Variants in GPATCH1 observed in about 807,000 individuals in gnomAD.
GPATCH1 encodes G patch domain-containing protein 1.
In GPATCH1, 73 loss-of-function variants were observed where a neutral mutation model predicts 114.9. The ratio of observed to expected loss-of-function variants is 0.64; its 90% CI spans 0.53 to 0.77. The LOEUF (loss-of-function observed/expected upper bound fraction) is 0.77, where lower values mean the gene tolerates loss of function less well. GPATCH1 is among the 30% of genes least tolerant of loss of function. The probability of loss-of-function intolerance (pLI) is 0.00; values close to 1 mark genes in which losing one functional copy is unlikely to be tolerated. For missense variants in GPATCH1, 1,058 were observed against 1,144.3 expected (o/e 0.92, Z 1.09); for synonymous variants, 391 against 428.4 (o/e 0.91, Z 1.08).
chr19:33,095,879 T>C, intron 6 of GPATCH1, 59 bp downstream of exon 6: 1 of 1,239,784 alleles, frequency 8.1e-7, no homozygotes, highest in Non-Finnish European at 1.2e-6. Flanking sequence ...TCTGTATGAC[T>C]GTGAAATTTG....
rs865931234 is a variant in GPATCH1 at position 33,109,073 on chromosome 19, C to T, written c.1286-644C>T. Among the ~76,000 whole-genome samples the T allele has an allele frequency of 2.8e-4, 43 of 152,042 alleles. 1 individual carries two copies. Among genetic ancestry groups the T allele is most frequent in the Admixed American group, 9.2e-4 (14 of 15,250 alleles). The stretch of plus-strand genomic sequence containing the variant: ...GTCTACAAAAAATACAAAAAGTAGT[C>T]GGGCATGGTGGTGTGTACCTGTGGT... On this transcript the variant is annotated intron_variant, in intron 10 of 19. Transcript: ENST00000170564.
intron 17 of GPATCH1, among the ~76,000 whole-genome samples, chr19:33,124,394 T>A (rs1422527968): frequency 6.6e-6 from 1 of 152,034 alleles, no homozygotes; most frequent in Non-Finnish European, 1.5e-5. Context: ...CAGGCTGGCC[T>A]TGAACTCCTG....
chr19:33,120,767 A>C (rs1972974663), intron 17 of GPATCH1, among the ~76,000 whole-genome samples: 1 of 152,008 alleles, frequency 6.6e-6, no homozygotes, highest in Non-Finnish European at 1.5e-5. Flanking sequence ...AGGTGGGCAG[A>C]TCACGAGATC....
intron 16 of GPATCH1, among the ~76,000 whole-genome samples, chr19:33,118,309 G>T (rs1972939445): frequency 6.6e-6 from 1 of 150,936 alleles, no homozygotes; most frequent in Non-Finnish European, 1.5e-5. Context: ...CTCCTGAGTA[G>T]CTGGGACTAC....
intron 17 of GPATCH1, among the ~76,000 whole-genome samples, chr19:33,120,653 C>A (rs117057278): frequency 6.6e-6 from 1 of 151,386 alleles, no homozygotes; most frequent in Non-Finnish European, 1.5e-5. Flanking sequence ...CCCAGTAGTC[C>A]GAGACAAGCC....
At chr19:33,091,079 A>G (rs932732429) in intron 3 of GPATCH1, among the ~76,000 whole-genome samples, 12 of 152,158 alleles carry the variant, frequency 7.9e-5, no homozygotes, top group Admixed American at 7.2e-4. Flanking sequence ...TTCTAAAATC[A>G]AGAGTGTAAG....
chr19:33,094,035 C>T lies in GPATCH1; in HGVS notation c.456-137C>T, dbSNP rs1359262711. 3 of 624,980 alleles carry T rather than the reference C, an allele frequency of 4.8e-6. No homozygotes were observed. The African/African-American group carries it at 5.5e-5, about 11-fold the overall frequency. 38.7% of individuals were successfully genotyped at this position (624,980 alleles called of 1,614,324 possible). On this transcript the variant is annotated intron_variant, in intron 4 of 19. Coordinates refer to ENST00000170564, the MANE Select transcript of GPATCH1 (RefSeq NM_018025.3). Reference sequence around the variant, plus strand: ...CTGTGGCTGGAATGGCAGGGTCACGCCAGATGTAATGTGGGTGAGGGCAAG... The same window carrying T: ...CTGTGGCTGGAATGGCAGGGTCACGTCAGATGTAATGTGGGTGAGGGCAAG...
rs561456539 is a variant in GPATCH1 at position 33,097,195 on chromosome 19, C to T, written c.853-560C>T. 2.5e-4 allele frequency among the ~76,000 whole-genome samples: 38 copies of T among 152,248 alleles called. No individual in the cohort carries two copies. In the East Asian group the frequency reaches 3.1e-3, roughly 12 times the overall value. On this transcript the variant is annotated intron_variant, in intron 7 of 19. Coordinates refer to ENST00000170564, the MANE Select transcript of GPATCH1 (RefSeq NM_018025.3). ...CTGACCTCAGGTGATCCACCCGCCT[C>T]GGCCTCCCAAAGTGCTGGGATTACA...
chr19:33,109,243 G>T (rs141562049), intron 10 of GPATCH1, among the ~76,000 whole-genome samples: 2 of 151,678 alleles, frequency 1.3e-5, no homozygotes, highest in Non-Finnish European at 2.9e-5. Flanking sequence ...TTGGCCAGGC[G>T]TGGTGGCTCA....
Position 33,109,920 on chromosome 19 carries a change from A to G in GPATCH1, c.1489A>G (p.Thr497Ala), listed in dbSNP as rs1228200434. 5.6e-6 allele frequency: 9 copies of G among 1,614,190 alleles called. No individual in the cohort carries two copies. The highest frequency in any genetic ancestry group is 7.6e-6 in the Non-Finnish European group (9 of 1,180,032). ...CATGGCATTAGGTGGTGGGACGGCC[A>G]CCTTAAAAGCCAGCAACTTCAAGCC... ...WNMALGGGTA[T>A]LKASNFKPFA... The change falls in exon 11 of 20, where the codon ACC becomes GCC. Residue 497 changes from threonine to alanine, a missense_variant. Physicochemically the swap from Thr to Ala is moderately conservative, Grantham distance 58. Around this residue, in one of 3 missense-constraint regions of GPATCH1, gnomAD observed 893 missense variants for 977.4 expected, o/e 0.91. Coordinates refer to ENST00000170564, the MANE Select transcript of GPATCH1 (RefSeq NM_018025.3).
At position 33,113,856 on chromosome 19, in the gene GPATCH1, C is replaced by T; in HGVS notation, c.1982C>T (p.Thr661Ile). 2 of 1,614,030 alleles carry T rather than the reference C, an allele frequency of 1.2e-6. No homozygotes were observed. The highest frequency in any genetic ancestry group is 8.5e-7 in the Non-Finnish European group (1 of 1,179,914). The change falls in exon 14 of 20, where the codon ACC (threonine) becomes ATC (isoleucine). Residue 661 changes from threonine to isoleucine, a missense_variant. Coordinates refer to ENST00000170564, the MANE Select transcript of GPATCH1 (RefSeq NM_018025.3). ...LTLPETASLPTTQASSEKVSQ... is the reference protein window; with the variant it reads ...LTLPETASLPITQASSEKVSQ... Reference sequence around the variant, plus strand: ...CTCCCAGAGACAGCTTCCTTGCCCACCACTCAAGCATCAAGTGAAAAAGTA... The same window carrying T: ...CTCCCAGAGACAGCTTCCTTGCCCATCACTCAAGCATCAAGTGAAAAAGTA...
intron 1 of GPATCH1, among the ~76,000 whole-genome samples, chr19:33,082,928 A>G (rs766654169): frequency 1.3e-4 from 20 of 152,020 alleles, no homozygotes; most frequent in Admixed American, 2.0e-4. Flanking sequence ...CACAGTGCCC[A>G]ACATTTTTTA....
chr19:33,120,771 C>T (rs1158170654), intron 17 of GPATCH1, among the ~76,000 whole-genome samples: 1 of 151,802 alleles, frequency 6.6e-6, no homozygotes, highest in Non-Finnish European at 1.5e-5. Context: ...GGGCAGATCA[C>T]GAGATCAGGA....
chr19:33,081,583 A>G (rs1972477073), intron 1 of GPATCH1, among the ~76,000 whole-genome samples: 1 of 152,130 alleles, frequency 6.6e-6, no homozygotes, highest in Admixed American at 6.6e-5. Flanking sequence ...GTTTGAGCTC[A>G]GACTTGAAAC....
chr19:33,098,145 G>C (rs1972685048), intron 8 of GPATCH1, among the ~76,000 whole-genome samples: 1 of 152,230 alleles, frequency 6.6e-6, no homozygotes, highest in Admixed American at 6.5e-5. Flanking sequence ...CTGTAATCAG[G>C]GAAAGAGGAA....
intron 8 of GPATCH1, among the ~76,000 whole-genome samples, chr19:33,098,864 C>T (rs1329481866): frequency 3.3e-5 from 5 of 151,914 alleles, no homozygotes; most frequent in African/African-American, 1.2e-4. Flanking sequence ...GGAGACTTAA[C>T]CTCCGGGTGG....
chr19:33,098,170 A>C (rs1972685379), intron 8 of GPATCH1, among the ~76,000 whole-genome samples: 1 of 152,204 alleles, frequency 6.6e-6, no homozygotes, highest in African/African-American at 2.4e-5. Flanking sequence ...TGGACCAGTG[A>C]CCACATGGCT....
At chr19:33,130,055 T>G in intron 19 of GPATCH1, 75 bp from the exon 20 acceptor site, 1 of 1,117,768 alleles carries the variant, frequency 8.9e-7, no homozygotes, top group Non-Finnish European at 1.4e-6. Context: ...CCTGGCATTC[T>G]CAGCCTCCAC....
At chr19:33,098,181 G>A (rs1972685690) in intron 8 of GPATCH1, among the ~76,000 whole-genome samples, 1 of 152,192 alleles carries the variant, frequency 6.6e-6, no homozygotes, top group Non-Finnish European at 1.5e-5. Flanking sequence ...CCACATGGCT[G>A]GTCAGAGCTG....
Sources: allele counts gnomAD v4.1 joint callset (sites outside exome capture counted in the v4.1 genomes callset), GRCh38; gene constraint gnomAD v4.1.1; regional missense constraint gnomAD v4.1.1; transcripts MANE v1.5; gene names NCBI Gene and HGNC (gene_info 2026-07-23, HGNC 2026-07-21).